The following NRAP variants were observed in gnomAD, a reference collection of about 807,000 sequenced individuals.
NRAP encodes the protein nebulin-related-anchoring protein.
In NRAP, 189 loss-of-function variants were observed where a neutral mutation model predicts 225.9. The observed-to-expected ratio is 0.84, with a 90% CI of 0.74 to 0.94. The LOEUF is 0.94. NRAP is among the 40% of genes least tolerant of loss of function. NRAP has a pLI of 0.00. For missense variants in NRAP, 2,176 were observed against 2,168.7 expected (o/e 1.00, Z -0.07); for synonymous variants, 769 against 790.7 (o/e 0.97, Z 0.46).
At chr10:113,612,516 T>C (rs1847394597) in intron 29 of NRAP, 85 bp from the exon 30 acceptor site, 3 of 1,108,716 alleles carry the variant, frequency 2.7e-6, no homozygotes, top group Non-Finnish European at 4.0e-6. Flanking sequence ...GCAATGCAGT[T>C]GTCTGGAGGT....
At chr10:113,592,631 C>T (rs763677925) in intron 38 of NRAP, among the ~76,000 whole-genome samples, 3 of 152,138 alleles carry the variant, frequency 2.0e-5, no homozygotes, top group Admixed American at 1.3e-4. Flanking sequence ...TTCAGTGCTT[C>T]GGGTTTGCAG....
Position 113,641,454 on chromosome 10 carries a change from A to G in NRAP, c.1234T>C (p.Tyr412His), listed in dbSNP as rs1849198583. The change falls in exon 13 of 42, where the codon TAC (tyrosine) becomes CAC (histidine). Residue 412 changes from tyrosine (Y) to histidine (H), a missense_variant. Around this residue, in one of 3 missense-constraint regions of NRAP, gnomAD observed 1,708 missense variants for 1,695.5 expected, o/e 1.01. Transcript: ENST00000359988. ...TAGCGGCCTCTCATGTGGTTCTGGT[A>G]GTTTTCTTTATATTTATTCTACATG... ...FTSDNKYKEN[Y>H]QNHMRGRYEG... 6.2e-7 allele frequency: 1 copy of G among 1,611,932 alleles called. No individual in the cohort carries two copies. The highest frequency in any genetic ancestry group is 8.5e-7 in the Non-Finnish European group (1 of 1,178,078).
chr10:113,659,266 G>A (rs1433308500), intron 3 of NRAP, among the ~76,000 whole-genome samples: 1 of 152,062 alleles, frequency 6.6e-6, no homozygotes, highest in Admixed American at 6.5e-5. Flanking sequence ...ACTGGCTCGG[G>A]CATAGCAAGA....
At chr10:113,656,022 G>T (rs908558681) in intron 4 of NRAP, among the ~76,000 whole-genome samples, 1 of 152,134 alleles carries the variant, frequency 6.6e-6, no homozygotes. Context: ...AGGCCATGAT[G>T]GAAAGGGGGA....
Position 113,605,783 on chromosome 10 carries a change from G to A in NRAP, c.3894C>T (p.Ala1298=). 6.2e-7 allele frequency: 1 copy of A among 1,613,132 alleles called. No individual in the cohort carries two copies. The highest frequency in any genetic ancestry group is 8.5e-7 in the Non-Finnish European group (1 of 1,179,076). ...IEALPFQAAR[A]SGDIASDFLY... ...TCACATCACTGGCTATATCTCCAGAGGCCCGGGCAGCCTGGAAGGGGAGCG... is the reference window on the plus strand; with the variant it reads ...TCACATCACTGGCTATATCTCCAGAAGCCCGGGCAGCCTGGAAGGGGAGCG... The change falls in exon 34 of 42, where the codon GCC becomes GCT. Residue 1298 remains alanine (A), a synonymous_variant. Transcript: ENST00000359988.
Position 113,615,811 on chromosome 10 carries a change from T to C in NRAP, c.2979A>G (p.Leu993=), listed in dbSNP as rs751696186. 1.3e-5 allele frequency: 20 copies of C among 1,572,564 alleles called. No homozygotes were observed. The South Asian group carries it at 2.2e-4, about 17-fold the overall frequency. ...TTATGTTTTCTCCTTGTTCCCTGTA[T>C]AATCTCTGTGGATGGAAGGAGGTTT... is the stretch of plus-strand genomic sequence containing the variant. ...RISYTQAVDR[L]YREQGENIKH... The change falls in exon 27 of 42, where the codon TTA becomes TTG. Residue 993 remains leucine, a synonymous_variant. Coordinates refer to ENST00000359988, the MANE Select transcript of NRAP (RefSeq NM_198060.4).
intron 6 of NRAP, among the ~76,000 whole-genome samples, chr10:113,652,236 T>C (rs1429136915): frequency 2.0e-5 from 3 of 152,196 alleles, no homozygotes; most frequent in Non-Finnish European, 4.4e-5. Context: ...CATGGTCACA[T>C]AGCACTAAGG....
chr10:113,613,266 GT>G, intron 29 of NRAP, among the ~76,000 whole-genome samples: 1 of 152,070 alleles, frequency 6.6e-6, no homozygotes, highest in Middle Eastern at 3.4e-3. Flanking sequence ...AAAAAAAAAA[GT>G]TATGAATGGG....
chr10:113,645,190 G>A (rs1849428359), intron 11 of NRAP, among the ~76,000 whole-genome samples: 2 of 152,254 alleles, frequency 1.3e-5, no homozygotes, highest in East Asian at 1.9e-4. Flanking sequence ...TGTTTGATTT[G>A]TTTAAAAAGA....
At chr10:113,654,325 C>T (rs1014436856) in intron 4 of NRAP, among the ~76,000 whole-genome samples, 200 bp from the exon 5 acceptor site, 1 of 152,134 alleles carries the variant, frequency 6.6e-6, no homozygotes, top group African/African-American at 2.4e-5. Flanking sequence ...CTGAGAACCA[C>T]TTATGTTACA....
At chr10:113,622,481 G>C (rs935228474) in intron 23 of NRAP, among the ~76,000 whole-genome samples, 3 of 152,132 alleles carry the variant, frequency 2.0e-5, no homozygotes, top group Non-Finnish European at 4.4e-5. Flanking sequence ...CTCATGAAAG[G>C]AACTGAAATT....
At chr10:113,655,612 T>C (rs1235069402) in intron 4 of NRAP, among the ~76,000 whole-genome samples, 1 of 151,986 alleles carries the variant, frequency 6.6e-6, no homozygotes, top group Non-Finnish European at 1.5e-5. Flanking sequence ...TGTACCACCA[T>C]GCCTGGCTAA....
At chr10:113,659,957 A>C (rs1838523169) in intron 3 of NRAP, among the ~76,000 whole-genome samples, 1 of 151,898 alleles carries the variant, frequency 6.6e-6, no homozygotes, top group Non-Finnish European at 1.5e-5. Flanking sequence ...AACACACCCT[A>C]GGGCAGTTGT....
Position 113,615,745 on chromosome 10 carries a change from C to T in NRAP, c.3045G>A (p.Leu1015=), listed in dbSNP as rs1456424238. 1 of 1,611,112 alleles carries T rather than the reference C, an allele frequency of 6.2e-7. No homozygotes were observed. The highest frequency in any genetic ancestry group is 2.2e-5 in the East Asian group (1 of 44,864). The change falls in exon 27 of 42, where the codon CTG becomes CTA. Residue 1015 remains leucine (L), a synonymous_variant. Coordinates refer to ENST00000359988, the MANE Select transcript of NRAP (RefSeq NM_198060.4). ...YTPTADLPEV[L]LAKLNAMNIS... ...TATTCATGGCATTCAGCTTGGCCAG[C>T]AGGACTTCAGGGAGGTCAGCAGTCG...
At chr10:113,594,414 C>A (rs540481885) in intron 38 of NRAP, among the ~76,000 whole-genome samples, 3 of 152,358 alleles carry the variant, frequency 2.0e-5, no homozygotes, top group African/African-American at 7.2e-5. Context: ...GCTTCCATCA[C>A]CAGCCTGGGG....
intron 26 of NRAP, among the ~76,000 whole-genome samples, chr10:113,617,004 T>C (rs1055494674): frequency 6.6e-6 from 1 of 152,150 alleles, no homozygotes; most frequent in Non-Finnish European, 1.5e-5. Flanking sequence ...GTCTGATGTA[T>C]ATAAATCAGA....
Position 113,591,047 on chromosome 10 carries a change from G to T in NRAP, c.4645-158C>A, listed in dbSNP as rs145208158. Among the ~76,000 whole-genome samples, 1,516 of 152,222 alleles carry T rather than the reference G, an allele frequency of 1.0e-2. 21 individuals carry two copies. The highest frequency in any genetic ancestry group is 0.034 in the African/African-American group (1,423 of 41,532). On this transcript the variant is annotated intron_variant, in intron 39 of 41. Coordinates refer to ENST00000359988, the MANE Select transcript of NRAP (RefSeq NM_198060.4). ...AATAGACCTATCTGTGTGGTCATGG[G>T]CCTGTTACTGAGTTTCTCCATGAGC...
chr10:113,657,464 T>C lies in NRAP; in HGVS notation c.360+6A>G. ...TTTCCAAACCCACTTGTCACTTTTC[T>C]CTCACCTCATTTGCCAGTGGCTGCC... On this transcript the variant is annotated splice_donor_region_variant and intron_variant, in intron 4 of 41. Transcript: ENST00000359988. 3 of 1,451,780 alleles carry C rather than the reference T, an allele frequency of 2.1e-6. No individual in the cohort carries two copies. The highest frequency in any genetic ancestry group is 2.9e-6 in the Non-Finnish European group (3 of 1,032,592). The allele number at this position is 1,451,780 out of a possible 1,614,324, so 89.9% of individuals were successfully genotyped here.
Position 113,645,884 on chromosome 10 carries a change from G to A in NRAP, c.1051C>T (p.Pro351Ser). ...MKGAAHYHSL[P>S]AQDNLVLKQA... ...TTGAGAACCAAGTTGTCTTGAGCTG[G>A]AAGCGAGTGATAATGTGCAGCGCCT... Residue 351 changes from proline (P) to serine (S), a missense_variant, in exon 11 of 42, where the codon CCA becomes TCA. Around this residue, in one of 3 missense-constraint regions of NRAP, gnomAD observed 1,708 missense variants for 1,695.5 expected, o/e 1.01. Transcript: ENST00000359988. 6.2e-7 allele frequency: 1 copy of A among 1,611,260 alleles called. No homozygotes were observed.
Sources: gnomAD v4.1 joint callset for allele counts (sites outside exome capture counted in the v4.1 genomes callset) on GRCh38, gnomAD v4.1.1 for gene constraint, gnomAD v4.1.1 regional missense constraint, MANE v1.5 for transcripts, NCBI Gene and HGNC (gene_info 2026-07-23, HGNC 2026-07-21) for gene names.